The following LPXN variants were observed in gnomAD, a reference collection of about 807,000 sequenced individuals.
LPXN encodes the protein leupaxin.
LPXN carries 28 observed loss-of-function variants against 45.6 expected under a neutral mutation model. The ratio of observed to expected loss-of-function variants is 0.61; its 90% CI spans 0.45 to 0.84. LPXN has a LOEUF of 0.84. Ranked by LOEUF, LPXN falls within the 40% of genes least tolerant of loss-of-function variation. The probability of loss-of-function intolerance (pLI) is 0.00; values close to 1 mark genes in which losing one functional copy is unlikely to be tolerated. For missense variants in LPXN, 459 were observed against 475.0 expected, an observed-to-expected ratio of 0.97 and a Z score of 0.31; for synonymous variants, 166 against 169.9, an observed-to-expected ratio of 0.98 and a Z score of 0.18.
chr11:58,575,869 A>G (rs1854873076), upstream of LPXN: 3 of 1,612,678 alleles, frequency 1.9e-6, no homozygotes, highest in South Asian at 2.2e-5. Context: ...ATGAGACAGC[A>G]TAAGGCAGCC....
chr11:58,570,519 C>T (rs747004360), intron 2 of LPXN, 37 bp downstream of exon 2: 2 of 1,493,344 alleles, frequency 1.3e-6, no homozygotes, highest in South Asian at 2.6e-5. Context: ...TGCACTCAAA[C>T]ATCCATGTTT....
intron 8 of LPXN, 86 bp from the exon 9 acceptor site, chr11:58,527,809 C>A: frequency 2.2e-6 from 3 of 1,347,002 alleles, no homozygotes; most frequent in Non-Finnish European, 2.0e-6. Flanking sequence ...CTTGAAATTC[C>A]TGACAGTTAC....
chr11:58,528,209 G>A lies in LPXN; in HGVS notation c.743-18C>T. 6.2e-7 allele frequency: 1 copy of A among 1,610,720 alleles called. No homozygotes were observed. The highest frequency in any genetic ancestry group is 1.1e-5 in the South Asian group (1 of 90,846). On this transcript the variant is annotated intron_variant, in intron 7 of 8. Transcript: ENST00000395074. ...ATGAAAGCCTGGAGAGATAAAATCA[G>A]GAATTCACTGTTGCAGGTTGAGCCC...
Position 58,528,155 on chromosome 11 carries a change from T to C in LPXN, c.779A>G (p.Lys260Arg), listed in dbSNP as rs764966679. The C allele has an allele frequency of 7.4e-6, 12 of 1,614,124 alleles. No individual in the cohort carries two copies. Among genetic ancestry groups the C allele is most frequent in the Non-Finnish European group, 9.3e-6 (11 of 1,180,048 alleles). The change falls in exon 8 of 9, where the codon AAG becomes AGG. Residue 260 changes from lysine to arginine, a missense_variant. Lys to Arg is a conservative substitution (Grantham distance 26). Coordinates refer to ENST00000395074, the MANE Select transcript of LPXN (RefSeq NM_004811.3). ...HEKDKKPYCRKDFLAMFSPKC... is the reference protein window; with the variant it reads ...HEKDKKPYCRRDFLAMFSPKC... ...GGGTGAGAACATGGCTAAGAAATCCTTTCGGCAATATGGCTTCTTGTCCTT... is the reference window on the plus strand; with the variant it reads ...GGGTGAGAACATGGCTAAGAAATCCCTTCGGCAATATGGCTTCTTGTCCTT...
Position 58,566,431 on chromosome 11 carries a change from C to T in LPXN, c.172-2230G>A, listed in dbSNP as rs184664566. Reference sequence around the variant, plus strand: ...AGCACTTTTGCTCAATAATTTCTTACAAGATAAAACTTTCAAGTTGTCTAT... The same window carrying T: ...AGCACTTTTGCTCAATAATTTCTTATAAGATAAAACTTTCAAGTTGTCTAT... On this transcript the variant is annotated intron_variant, in intron 2 of 8. Transcript: ENST00000395074. Among the ~76,000 whole-genome samples, 1,509 of 152,244 alleles carry T rather than the reference C, an allele frequency of 9.9e-3. 23 individuals carry two copies. The highest frequency in any genetic ancestry group is 0.035 in the African/African-American group (1,454 of 41,532).
intron 7 of LPXN, among the ~76,000 whole-genome samples, chr11:58,536,184 T>C (rs897696383): frequency 6.6e-6 from 1 of 152,076 alleles, no homozygotes; most frequent in South Asian, 2.1e-4. Flanking sequence ...GGAACCAAAA[T>C]AGAGCCTGCA....
At chr11:58,548,391 G>T (rs2120307641) in intron 7 of LPXN, among the ~76,000 whole-genome samples, 1 of 151,056 alleles carries the variant, frequency 6.6e-6, no homozygotes, top group African/African-American at 2.4e-5. Context: ...TCAGCAGGAA[G>T]AAATCATTTC....
At chr11:58,572,566 T>C (rs1854739524) in intron 1 of LPXN, among the ~76,000 whole-genome samples, 1 of 152,180 alleles carries the variant, frequency 6.6e-6, no homozygotes. Flanking sequence ...TATTAAATAA[T>C]ATCAAGTAAG....
intron 7 of LPXN, among the ~76,000 whole-genome samples, chr11:58,531,016 AG>A (rs1172518985): frequency 6.6e-6 from 1 of 152,194 alleles, no homozygotes; most frequent in Non-Finnish European, 1.5e-5. Context: ...CAACATCAAC[AG>A]AAAGGACATC....
chr11:58,551,865 T>C (rs543922335), intron 4 of LPXN, among the ~76,000 whole-genome samples: 2 of 152,260 alleles, frequency 1.3e-5, no homozygotes, highest in African/African-American at 4.8e-5. Context: ...CTTAGAAATA[T>C]TGACATTTAT....
chr11:58,570,656 T>G lies in LPXN; in HGVS notation c.71A>C (p.Asn24Thr). 6.2e-7 allele frequency: 1 copy of G among 1,613,984 alleles called. No homozygotes were observed. The highest frequency in any genetic ancestry group is 1.1e-5 in the South Asian group (1 of 91,070). The change falls in exon 2 of 9, where the codon AAC becomes ACC. Residue 24 changes from asparagine (N) to threonine (T), a missense_variant. Transcript: ENST00000395074. ...CTGATCCAGGGGAAGAGGAGCTGGG[T>G]TGGAATATTCATCACTGTCCTGAAG... The part of the protein sequence containing the change: ...STLQDSDEYS[N>T]PAPLPLDQHS...
At chr11:58,545,958 T>A (rs1421638913) in intron 7 of LPXN, among the ~76,000 whole-genome samples, 1 of 152,140 alleles carries the variant, frequency 6.6e-6, no homozygotes, top group Non-Finnish European at 1.5e-5. Context: ...ATGCCTGATA[T>A]TTAGGAAAGT....
At chr11:58,528,817 T>C (rs1403278441) in intron 7 of LPXN, among the ~76,000 whole-genome samples, 1 of 152,252 alleles carries the variant, frequency 6.6e-6, no homozygotes, top group African/African-American at 2.4e-5. Context: ...TATATTTGAA[T>C]TAAAAATAGA....
intron 7 of LPXN, among the ~76,000 whole-genome samples, chr11:58,530,068 A>G (rs1853342026): frequency 6.6e-6 from 1 of 152,194 alleles, no homozygotes; most frequent in Admixed American, 6.5e-5. Context: ...TCTTGTGCCT[A>G]CGCCACCAGG....
upstream of LPXN, among the ~76,000 whole-genome samples, chr11:58,577,778 G>A (rs909798188): frequency 4.6e-5 from 7 of 151,524 alleles, no homozygotes; most frequent in Admixed American, 2.6e-4. Flanking sequence ...GTCATGTCAC[G>A]CTCACAACCC....
At chr11:58,542,967 T>C (rs1324191533) in intron 7 of LPXN, among the ~76,000 whole-genome samples, 2 of 152,204 alleles carry the variant, frequency 1.3e-5, no homozygotes, top group African/African-American at 4.8e-5. Flanking sequence ...CTTAAGCACT[T>C]ATTCAAGTGA....
rs895604442 is a variant in LPXN, at chr11:58,557,600, T to C, written c.219-2660A>G. Among the ~76,000 whole-genome samples the C allele has an allele frequency of 9.9e-5, 15 of 152,230 alleles. No individual in the cohort carries two copies. The East Asian group carries it at 1.5e-3, about 16-fold the overall frequency. ...GTTAGAGAATATGAAGTAGCAGATATGTAAGATGAACAAGCCTAGAGATCT... is the reference window on the plus strand; with the variant it reads ...GTTAGAGAATATGAAGTAGCAGATACGTAAGATGAACAAGCCTAGAGATCT... On this transcript the variant is annotated intron_variant, in intron 3 of 8. Coordinates refer to ENST00000395074, the MANE Select transcript of LPXN (RefSeq NM_004811.3).
upstream of LPXN, among the ~76,000 whole-genome samples, chr11:58,576,491 A>G (rs897261093): frequency 6.6e-6 from 1 of 152,204 alleles, no homozygotes; most frequent in South Asian, 2.1e-4. Context: ...CTGCCTAGAT[A>G]CACTGCCTTA....
intron 7 of LPXN, among the ~76,000 whole-genome samples, chr11:58,539,001 A>AC (rs1246193195): frequency 1.5e-3 from 16 of 10,428 alleles, no homozygotes; most frequent in Middle Eastern, 0.12. Context: ...TTCTTTAAAA[A>AC]AAACAACAAC....
Sources: allele counts gnomAD v4.1 joint callset (sites outside exome capture counted in the v4.1 genomes callset), GRCh38; gene constraint gnomAD v4.1.1; transcripts MANE v1.5; gene names NCBI Gene and HGNC (gene_info 2026-07-23, HGNC 2026-07-21).